Variants in TYW1B observed in about 807,000 individuals in gnomAD.
TYW1B encodes the protein tRNA-yW synthesizing protein 1 homolog B.
TYW1B carries 73 observed loss-of-function variants against 86.9 expected under a neutral mutation model. That is an observed-to-expected ratio of 0.84 (90% CI 0.70 to 1.02). The LOEUF is 1.02. Among genes scored for constraint, TYW1B ranks in the 50% least tolerant of loss-of-function variants. The pLI is 0.00. For missense variants in TYW1B, 637 were observed against 827.4 expected (o/e 0.77, Z 2.82); for synonymous variants, 248 against 292.8 (o/e 0.85, Z 1.56).
intron 8 of TYW1B, among the ~76,000 whole-genome samples, chr7:72,731,393 C>CAAAAAAAAAAAAAAAAA (rs59262388): frequency 2.4e-4 from 8 of 33,048 alleles, no homozygotes; most frequent in Admixed American, 8.9e-4. Flanking sequence ...TACCAAACTG[C>CAAAAAAAAAAAAAAAAA]AAAAAAAAAA....
intron 10 of TYW1B, among the ~76,000 whole-genome samples, chr7:72,711,646 T>C (rs1430613527): frequency 6.6e-6 from 1 of 151,098 alleles, no homozygotes; most frequent in African/African-American, 2.4e-5. Flanking sequence ...ATTATTATTA[T>C]TATTATTTGT....
intron 12 of TYW1B, among the ~76,000 whole-genome samples, chr7:72,617,477 G>A (rs1347361466): frequency 1.1e-4 from 17 of 152,018 alleles, no homozygotes; most frequent in African/African-American, 1.7e-4. Flanking sequence ...AGAGAGTCTC[G>A]TGCCTCAGCC....
intron 2 of TYW1B, among the ~76,000 whole-genome samples, chr7:72,825,190 C>T (rs558827023): frequency 5.9e-5 from 9 of 152,018 alleles, no homozygotes; most frequent in Non-Finnish European, 1.0e-4. Flanking sequence ...GATAACCACA[C>T]TATTACCATC....
chr7:72,619,620 C>T (rs1293834934), intron 12 of TYW1B, among the ~76,000 whole-genome samples: 10 of 148,004 alleles, frequency 6.8e-5, no homozygotes, highest in African/African-American at 2.5e-4. Flanking sequence ...CGCAGTCTGG[C>T]CTGGGCGACA....
intron 9 of TYW1B, among the ~76,000 whole-genome samples, chr7:72,714,876 C>CA (rs1177359700): frequency 2.0e-5 from 3 of 152,086 alleles, no homozygotes; most frequent in African/African-American, 7.2e-5. Context: ...GAGACGGTGT[C>CA]ACCGCACTCC....
At chr7:72,825,775 C>T (rs1244949519) in intron 2 of TYW1B, among the ~76,000 whole-genome samples, 1 of 152,190 alleles carries the variant, frequency 6.6e-6, no homozygotes, top group African/African-American at 2.4e-5. Flanking sequence ...TCCCTACTTC[C>T]ATACCCATGG....
chr7:72,583,755 G>T (rs1212977084), intron 13 of TYW1B, among the ~76,000 whole-genome samples: 1 of 152,160 alleles, frequency 6.6e-6, no homozygotes, highest in African/African-American at 2.4e-5. Context: ...TGTCCTACTG[G>T]GTACTAGGTG....
Position 72,681,457 on chromosome 7 carries a change from T to G in TYW1B, c.1506+13230A>C, listed in dbSNP as rs1813872838. Among the ~76,000 whole-genome samples the G allele has an allele frequency of 2.0e-5, 3 of 151,950 alleles. No homozygotes were observed. The South Asian group carries it at 6.2e-4, about 32-fold the overall frequency. On this transcript the variant is annotated intron_variant, in intron 11 of 13. Coordinates refer to ENST00000620995, the MANE Select transcript of TYW1B (RefSeq NM_001145440.3). ...GTACCCTTCACCCAGAAGTGCCCAA[T>G]GCAGACTGTGGGAGGGGAGGGAAGG... is the stretch of plus-strand genomic sequence containing the variant.
intron 10 of TYW1B, among the ~76,000 whole-genome samples, chr7:72,703,320 A>T (rs1814535944): frequency 6.6e-6 from 1 of 151,326 alleles, no homozygotes; most frequent in Admixed American, 6.6e-5. Flanking sequence ...CACCGCACCC[A>T]GCTTATCAGT....
intron 6 of TYW1B, among the ~76,000 whole-genome samples, chr7:72,801,294 G>A (rs531542846): frequency 1.2e-4 from 19 of 152,168 alleles, no homozygotes; most frequent in East Asian, 7.7e-4. Context: ...CCACCACTGC[G>A]CTCCAGCCTG....
At chr7:72,731,347 T>TA (rs1200445623) in intron 8 of TYW1B, among the ~76,000 whole-genome samples, 1 of 89,964 alleles carries the variant, frequency 1.1e-5, no homozygotes, top group Non-Finnish European at 2.1e-5. Flanking sequence ...CAAATGAGAT[T>TA]AAAAAAAGTA....
intron 9 of TYW1B, among the ~76,000 whole-genome samples, chr7:72,719,298 C>T (rs1219160587): frequency 3.9e-5 from 6 of 151,952 alleles, no homozygotes; most frequent in Admixed American, 2.6e-4. Context: ...CAAGCATATG[C>T]CACCACACTT....
At chr7:72,729,021 C>T (rs2129571023) in intron 8 of TYW1B, 90 bp from the exon 9 acceptor site, 4 of 1,270,902 alleles carry the variant, frequency 3.1e-6, no homozygotes, top group Non-Finnish European at 4.4e-6. Context: ...TTTAAAAAAT[C>T]ACAAAATCAG....
intron 13 of TYW1B, among the ~76,000 whole-genome samples, chr7:72,605,330 A>G (rs1811767460): frequency 6.6e-6 from 1 of 151,630 alleles, no homozygotes; most frequent in Non-Finnish European, 1.5e-5. Context: ...ATCCCTCTGG[A>G]ATGTTGTGGT....
intron 7 of TYW1B, among the ~76,000 whole-genome samples, chr7:72,762,453 G>C (rs943939808): frequency 1.3e-5 from 2 of 151,914 alleles, no homozygotes; most frequent in African/African-American, 2.4e-5. Context: ...TGTAACTTTT[G>C]TTTTTCCTAG....
At chr7:72,727,466 A>G (rs1236829260) in intron 9 of TYW1B, among the ~76,000 whole-genome samples, 2 of 152,186 alleles carry the variant, frequency 1.3e-5, no homozygotes, top group Non-Finnish European at 2.9e-5. Context: ...TCACATGTAC[A>G]GTAGTGGTTC....
intron 6 of TYW1B, among the ~76,000 whole-genome samples, chr7:72,786,896 C>T (rs1243512497): frequency 1.3e-5 from 2 of 151,918 alleles, no homozygotes; most frequent in Non-Finnish European, 2.9e-5. Flanking sequence ...TTAAATAAAG[C>T]TTAACCTGGT....
At chr7:72,608,901 G>A (rs1291553970) in intron 13 of TYW1B, among the ~76,000 whole-genome samples, 1 of 152,090 alleles carries the variant, frequency 6.6e-6, no homozygotes, top group Non-Finnish European at 1.5e-5. Flanking sequence ...TTTTCTATCT[G>A]GGTCGTGGTG....
intron 10 of TYW1B, among the ~76,000 whole-genome samples, chr7:72,707,713 C>A (rs1814646338): frequency 6.6e-6 from 1 of 152,180 alleles, no homozygotes; most frequent in African/African-American, 2.4e-5. Context: ...CCTGGTGGAC[C>A]ACTCACTGTG....
Sources: gnomAD v4.1 joint callset for allele counts (sites outside exome capture counted in the v4.1 genomes callset) on GRCh38, gnomAD v4.1.1 for gene constraint, MANE v1.5 for transcripts, NCBI Gene and HGNC (gene_info 2026-07-23, HGNC 2026-07-21) for gene names.